PDE7B: variants seen among roughly 807,000 people sequenced by gnomAD.
PDE7B encodes the protein 3',5'-cyclic-AMP phosphodiesterase 7B.
Under a neutral mutation model 56.2 loss-of-function variants are expected in PDE7B, and 29 were observed. The observed-to-expected ratio is 0.52, with a 90% CI of 0.38 to 0.70. The LOEUF (loss-of-function observed/expected upper bound fraction) is 0.70. Ranked by LOEUF, PDE7B falls within the 30% of genes least tolerant of loss-of-function variation. PDE7B has a pLI of 0.00. For missense variants in PDE7B, 490 were observed against 565.0 expected (o/e 0.87, Z 1.35); for synonymous variants, 197 against 196.9 (o/e 1.00, Z 0.00).
At chr6:136,157,940 A>G (rs1224767674) in intron 8 of PDE7B, among the ~76,000 whole-genome samples, 3 of 152,188 alleles carry the variant, frequency 2.0e-5, no homozygotes, top group Admixed American at 6.5e-5. Flanking sequence ...TGTTGTGCAT[A>G]TCATGATTCA....
At chr6:136,078,753 G>A (rs1777160342) in intron 2 of PDE7B, among the ~76,000 whole-genome samples, 2 of 151,956 alleles carry the variant, frequency 1.3e-5, no homozygotes, top group African/African-American at 4.8e-5. Flanking sequence ...TATTTAGAAA[G>A]TACATATACA....
rs759289417 is a variant in PDE7B at position 136,192,783 on chromosome 6, A to G, written c.*943A>G. 4.6e-5 allele frequency: 7 copies of G among 152,650 alleles called. No individual in the cohort carries two copies. The highest frequency in any genetic ancestry group is 7.3e-5 in the Non-Finnish European group (5 of 68,044). 9.5% of individuals were successfully genotyped at this position (152,650 alleles called of 1,614,324 possible). ...ATGGTATAGAGTTTATTAATATACT[A>G]TTGTTTGCAGATAAAGGCCTTAACT... On this transcript the variant is annotated 3_prime_UTR_variant, in exon 13 of 13. Coordinates refer to ENST00000308191, the MANE Select transcript of PDE7B (RefSeq NM_018945.4).
chr6:135,949,495 T>C (rs755932149), intron 2 of PDE7B, among the ~76,000 whole-genome samples: 1 of 151,950 alleles, frequency 6.6e-6, no homozygotes, highest in Non-Finnish European at 1.5e-5. Context: ...AATGCATTTA[T>C]ATAAATCAGT....
At chr6:135,957,083 T>G (rs1186694736) in intron 2 of PDE7B, among the ~76,000 whole-genome samples, 1 of 152,164 alleles carries the variant, frequency 6.6e-6, no homozygotes, top group South Asian at 2.1e-4. Context: ...GTTGTGAGCC[T>G]TAAACCTGCG....
intron 1 of PDE7B, among the ~76,000 whole-genome samples, chr6:135,869,221 C>G (rs1450097030): frequency 2.0e-5 from 3 of 152,066 alleles, no homozygotes; most frequent in Non-Finnish European, 2.9e-5. Context: ...GTGAAAGTAT[C>G]TGTAATTTGC....
At chr6:136,113,312 A>G (rs1412869635) in intron 3 of PDE7B, among the ~76,000 whole-genome samples, 1 of 152,218 alleles carries the variant, frequency 6.6e-6, no homozygotes, top group Non-Finnish European at 1.5e-5. Context: ...ATACCATATC[A>G]TATGCATTCC....
intron 9 of PDE7B, among the ~76,000 whole-genome samples, chr6:136,178,337 A>G (rs1779012085): frequency 6.6e-6 from 1 of 152,210 alleles, no homozygotes; most frequent in South Asian, 2.1e-4. Context: ...GGTAAATTTT[A>G]CAAATATTTA....
intron 1 of PDE7B, among the ~76,000 whole-genome samples, chr6:135,856,263 G>A (rs1051594972): frequency 4.6e-5 from 7 of 152,148 alleles, no homozygotes; most frequent in South Asian, 2.1e-4. Context: ...TCTTGTATCA[G>A]GTTGATGTGC....
chr6:135,990,126 C>T (rs193029396), intron 2 of PDE7B, among the ~76,000 whole-genome samples: 1,521 of 143,696 alleles, frequency 0.011, 27 homozygotes, highest in African/African-American at 0.035. Flanking sequence ...GACAGAGTCT[C>T]GCTCTATCGC....
At chr6:135,966,454 T>A (rs1774999472) in intron 2 of PDE7B, among the ~76,000 whole-genome samples, 1 of 152,140 alleles carries the variant, frequency 6.6e-6, no homozygotes. Context: ...GCTAGCAGAG[T>A]TAAGCAGGCT....
chr6:136,059,067 A>T (rs966573139), intron 2 of PDE7B, among the ~76,000 whole-genome samples: 1 of 152,182 alleles, frequency 6.6e-6, no homozygotes, highest in African/African-American at 2.4e-5. Flanking sequence ...AAGTGTGTTG[A>T]CAGGTCAAGT....
At chr6:136,061,401 A>T (rs1776836927) in intron 2 of PDE7B, among the ~76,000 whole-genome samples, 2 of 152,242 alleles carry the variant, frequency 1.3e-5, no homozygotes. Flanking sequence ...GAAAAGAATC[A>T]AAGAAATTTG....
chr6:136,123,335 C>CTCT (rs1777970211), intron 3 of PDE7B, among the ~76,000 whole-genome samples: 1 of 152,084 alleles, frequency 6.6e-6, no homozygotes, highest in Non-Finnish European at 1.5e-5. Flanking sequence ...AGTAAAAGAC[C>CTCT]TCTTATTTTC....
intron 2 of PDE7B, among the ~76,000 whole-genome samples, chr6:136,068,235 A>G (rs141270453): frequency 2.0e-3 from 307 of 152,220 alleles, no homozygotes; most frequent in African/African-American, 7.1e-3. Flanking sequence ...TACATGAAAG[A>G]TGTACATTGG....
intron 1 of PDE7B, among the ~76,000 whole-genome samples, chr6:135,906,931 G>C (rs1354172976): frequency 7.0e-6 from 1 of 143,732 alleles, no homozygotes; most frequent in Admixed American, 7.3e-5. Flanking sequence ...ATATTATATA[G>C]TTGGTAGGGT....
chr6:136,130,031 A>G (rs1234156723), intron 3 of PDE7B, among the ~76,000 whole-genome samples: 1 of 152,060 alleles, frequency 6.6e-6, no homozygotes, highest in African/African-American at 2.4e-5. Context: ...ATTTTTTCCA[A>G]TATAGGTGTA....
At chr6:136,099,833 C>T (rs929688507) in intron 2 of PDE7B, among the ~76,000 whole-genome samples, 3 of 151,940 alleles carry the variant, frequency 2.0e-5, no homozygotes, top group African/African-American at 4.8e-5. Context: ...GTGTTTTAGT[C>T]ATGAAGTCTT....
At chr6:136,005,423 C>T (rs1363915795) in intron 2 of PDE7B, among the ~76,000 whole-genome samples, 2 of 151,980 alleles carry the variant, frequency 1.3e-5, no homozygotes, top group Non-Finnish European at 2.9e-5. Context: ...AGGCAACCTA[C>T]AAAATGGGAG....
intron 10 of PDE7B, 59 bp downstream of exon 10, chr6:136,179,200 G>A: frequency 6.6e-7 from 1 of 1,524,440 alleles, no homozygotes; most frequent in Non-Finnish European, 9.1e-7. Context: ...GCTGGGCTGG[G>A]TGTGGTGGCT....
Sources: gnomAD v4.1 joint callset for allele counts (sites outside exome capture counted in the v4.1 genomes callset) on GRCh38, gnomAD v4.1.1 for gene constraint, MANE v1.5 for transcripts, NCBI Gene and HGNC (gene_info 2026-07-23, HGNC 2026-07-21) for gene names.